TNS3: variants seen among roughly 807,000 people sequenced by gnomAD.
TNS3 encodes the protein tensin-3.
TNS3 carries 45 observed loss-of-function variants against 140.9 expected under a neutral mutation model. The observed-to-expected ratio is 0.32, with a 90% CI of 0.25 to 0.41. TNS3 has a LOEUF of 0.41. Among genes scored for constraint, TNS3 ranks in the 10% least tolerant of loss-of-function variants. The pLI is 1.00. For missense variants in TNS3, 1,716 were observed against 1,906.7 expected (o/e 0.90, Z 1.86); for synonymous variants, 815 against 788.4 (o/e 1.03, Z -0.56).
chr7:47,387,865 T>C (rs997003465), intron 16 of TNS3, among the ~76,000 whole-genome samples: 12 of 152,234 alleles, frequency 7.9e-5, no homozygotes, highest in Admixed American at 5.9e-4. Flanking sequence ...AGGAAGAGAC[T>C]CTGCTTTTCT....
At chr7:47,556,336 T>G (rs1171443180) in intron 1 of TNS3, among the ~76,000 whole-genome samples, 1 of 152,062 alleles carries the variant, frequency 6.6e-6, no homozygotes, top group Non-Finnish European at 1.5e-5. Context: ...CCAGATAGAT[T>G]ATTTAGAGTC....
At chr7:47,481,402 G>A (rs941821784) in intron 3 of TNS3, 4 of 314,984 alleles carry the variant, frequency 1.3e-5, no homozygotes, top group African/African-American at 8.8e-5. Flanking sequence ...ATCACTCATA[G>A]ATACAAAATT....
chr7:47,361,655 C>T (rs1001457531), intron 17 of TNS3, among the ~76,000 whole-genome samples: 1 of 152,216 alleles, frequency 6.6e-6, no homozygotes, highest in African/African-American at 2.4e-5. Flanking sequence ...TTTAAATCAA[C>T]GGGCTCTCCA....
intron 1 of TNS3, among the ~76,000 whole-genome samples, chr7:47,568,702 G>A (rs557473455): frequency 6.6e-6 from 1 of 152,236 alleles, no homozygotes; most frequent in Non-Finnish European, 1.5e-5. Context: ...GTGCCATATC[G>A]CATTCGTGCA....
chr7:47,474,272 T>A, intron 4 of TNS3, among the ~76,000 whole-genome samples: 2 of 120,416 alleles, frequency 1.7e-5, no homozygotes, highest in African/African-American at 3.5e-5. Context: ...ACAAAACACT[T>A]CACACACAAC....
chr7:47,474,868 ACACTT>A (rs1261519751), intron 4 of TNS3, among the ~76,000 whole-genome samples: 5 of 145,058 alleles, frequency 3.4e-5, no homozygotes, highest in African/African-American at 2.6e-5. Flanking sequence ...CTCACACACA[ACACTT>A]CACACACAAC....
chr7:47,278,903 A>T (rs1427620487), intron 30 of TNS3: 1 of 152,184 alleles, frequency 6.6e-6, no homozygotes, highest in African/African-American at 2.4e-5. Context: ...TGGGCAAAGG[A>T]CTTTCTTCTC....
intron 3 of TNS3, 52 bp from the exon 4 acceptor site, chr7:47,481,193 T>C (rs1052870585): frequency 1.0e-5 from 13 of 1,267,286 alleles, no homozygotes; most frequent in Non-Finnish European, 1.2e-5. Flanking sequence ...AGGAAAAAAT[T>C]AGCATAATAA....
chr7:47,428,369 T>G lies in TNS3; in HGVS notation c.332A>C (p.Lys111Thr). 6.9e-7 allele frequency: 1 copy of G among 1,440,154 alleles called. No homozygotes were observed. 89.2% of individuals were successfully genotyped at this position (1,440,154 alleles called of 1,614,324 possible). A position where few individuals can be genotyped will look rare whatever the true frequency, so the allele number is the denominator to read the frequency against. ...HVVVIHCRGG[K>T]GRIGVVISSY... ...TGATATGACCACTCCTATGCGTCCT[T>G]TCCCGCCCTGCAGGAGACAAAAGAT... Residue 111 changes from lysine to threonine, a missense_variant, in exon 9 of 31, where the codon AAA (lysine) becomes ACA (threonine). Around this residue, in one of 3 missense-constraint regions of TNS3, gnomAD observed 337 missense variants for 428.9 expected, o/e 0.79. Coordinates refer to ENST00000311160, the MANE Select transcript of TNS3 (RefSeq NM_022748.12).
At chr7:47,287,805 T>G (rs943521944) in intron 27 of TNS3, among the ~76,000 whole-genome samples, 2 of 152,298 alleles carry the variant, frequency 1.3e-5, no homozygotes, top group African/African-American at 4.8e-5. Flanking sequence ...CAGTCATAAT[T>G]TAAGCTTCAT....
chr7:47,417,093 G>A (rs980756319), intron 10 of TNS3, among the ~76,000 whole-genome samples: 1 of 152,192 alleles, frequency 6.6e-6, no homozygotes, highest in Admixed American at 6.5e-5. Flanking sequence ...AGGTGAAGTC[G>A]ATGTTTGTTT....
At chr7:47,500,811 T>C (rs77501829) in intron 3 of TNS3, among the ~76,000 whole-genome samples, 2,914 of 152,262 alleles carry the variant, frequency 0.019, 76 homozygotes, top group East Asian at 0.079. Context: ...CTGGGCTCAA[T>C]GGCTCACACT....
At chr7:47,401,033 A>G in intron 13 of TNS3, 119 bp from the exon 14 acceptor site, 3 of 1,439,604 alleles carry the variant, frequency 2.1e-6, no homozygotes, top group Non-Finnish European at 2.8e-6. Flanking sequence ...TCTGGCTGGG[A>G]GTTCACGCTT....
At chr7:47,510,174 C>G (rs660726) in intron 2 of TNS3, among the ~76,000 whole-genome samples, 55,978 of 152,002 alleles carry the variant, frequency 0.37, 11,228 homozygotes, top group Non-Finnish European at 0.46. Context: ...CTTTCAGAAG[C>G]CCATAGCCAG....
chr7:47,401,814 G>A (rs1793182331), intron 13 of TNS3, among the ~76,000 whole-genome samples: 2 of 152,222 alleles, frequency 1.3e-5, no homozygotes, highest in Non-Finnish European at 2.9e-5. Flanking sequence ...CAGAGATCAG[G>A]GGCAGGACCA....
chr7:47,304,945 G>T lies in TNS3; in HGVS notation c.2709C>A (p.Ile903=), dbSNP rs577707096. The T allele has an allele frequency of 2.1e-6, 3 of 1,425,158 alleles. No homozygotes were observed. Among genetic ancestry groups the T allele is most frequent in the East Asian group, 2.7e-5 (1 of 37,030 alleles). The allele number at this position is 1,425,158 out of a possible 1,614,324, so 88.3% of individuals were successfully genotyped here. A position where few individuals can be genotyped will look rare whatever the true frequency, so the allele number is the denominator to read the frequency against. Reference sequence around the variant, plus strand: ...CCCGGAGCATCGTGGATTTGGGTCCGATGGGGCTCTCTGACATCCCCACAG... The same window carrying T: ...CCCGGAGCATCGTGGATTTGGGTCCTATGGGGCTCTCTGACATCCCCACAG... ...THAVGMSESP[I]GPKSTMLRAD... is the part of the protein sequence containing the mutation. Residue 903 remains isoleucine (I), a synonymous_variant, in exon 21 of 31, where the codon ATC becomes ATA. Coordinates refer to ENST00000311160, the MANE Select transcript of TNS3 (RefSeq NM_022748.12).
intron 12 of TNS3, among the ~76,000 whole-genome samples, chr7:47,412,480 T>C (rs559222143): frequency 1.7e-4 from 26 of 152,290 alleles, no homozygotes; most frequent in African/African-American, 5.8e-4. Flanking sequence ...TAGCTGGGCA[T>C]GATGGCAGGT....
intron 27 of TNS3, 80 bp downstream of exon 27, chr7:47,291,875 G>C: frequency 6.9e-7 from 1 of 1,448,278 alleles, no homozygotes; most frequent in South Asian, 1.2e-5. Context: ...CCTGAATACT[G>C]AAGTGCAAAA....
intron 20 of TNS3, among the ~76,000 whole-genome samples, chr7:47,340,092 CAT>C (rs199944761): frequency 0.054 from 2,505 of 45,996 alleles, 144 homozygotes; most frequent in South Asian, 0.11. Flanking sequence ...TGTGCATATA[CAT>C]ATATATATAT....
Sources: allele counts gnomAD v4.1 joint callset (sites outside exome capture counted in the v4.1 genomes callset), GRCh38; gene constraint gnomAD v4.1.1; regional missense constraint gnomAD v4.1.1; transcripts MANE v1.5; gene names NCBI Gene and HGNC (gene_info 2026-07-23, HGNC 2026-07-21).